VWC2: variants seen among roughly 807,000 people sequenced by gnomAD.
VWC2 encodes the protein von Willebrand factor C domain containing 2, also known as brorin.
VWC2 carries 14 observed loss-of-function variants against 29.8 expected under a neutral mutation model. That is an observed-to-expected ratio of 0.47 (90% confidence interval 0.31 to 0.74). The LOEUF is 0.74. Ranked by LOEUF, VWC2 falls within the 30% of genes least tolerant of loss-of-function variation. The probability of loss-of-function intolerance (pLI) is 0.05; values close to 1 mark genes in which losing one functional copy is unlikely to be tolerated. For missense variants in VWC2, 457 were observed against 459.8 expected, an observed-to-expected ratio of 0.99 and a Z score of 0.05; for synonymous variants, 213 against 199.0, an observed-to-expected ratio of 1.07 and a Z score of -0.59.
chr7:49,861,439 C>T (rs975174251), intron 3 of VWC2, among the ~76,000 whole-genome samples: 1 of 152,076 alleles, frequency 6.6e-6, no homozygotes, highest in Non-Finnish European at 1.5e-5. Context: ...ATTCTGTTTG[C>T]TGTCTTTTCA....
At chr7:49,819,232 C>G (rs1789213682) in intron 3 of VWC2, among the ~76,000 whole-genome samples, 1 of 152,178 alleles carries the variant, frequency 6.6e-6, no homozygotes, top group South Asian at 2.1e-4. Flanking sequence ...GCCTTAAACC[C>G]CTTCTCGAAC....
rs952526730 is a variant in VWC2, at chr7:49,806,572, G to A, written c.826+3732G>A. ...ACACTTTAAAGATAAACACTGAGAC[G>A]TCAAATTATTAAACATACGTTCATG... On this transcript the variant is annotated intron_variant, in intron 3 of 3. Transcript: ENST00000340652. Among the ~76,000 whole-genome samples the A allele has an allele frequency of 7.2e-5, 11 of 152,142 alleles. 1 individual carries two copies. The highest frequency in any genetic ancestry group is 1.9e-4 in the African/African-American group (8 of 41,424).
intron 2 of VWC2, among the ~76,000 whole-genome samples, chr7:49,790,092 G>GT (rs541868602): frequency 4.6e-5 from 7 of 152,338 alleles, no homozygotes; most frequent in Middle Eastern, 3.4e-3. Flanking sequence ...CTGTTCTGCT[G>GT]TTTGCAACCA....
At chr7:49,776,170 C>A in intron 2 of VWC2, 39 bp downstream of exon 2, 1 of 1,463,646 alleles carries the variant, frequency 6.8e-7, no homozygotes, top group Non-Finnish European at 9.1e-7. Context: ...TTGCACCTTC[C>A]AGGAAGGGGT....
chr7:49,866,958 G>T (rs1314444051), intron 3 of VWC2, among the ~76,000 whole-genome samples: 2 of 152,198 alleles, frequency 1.3e-5, no homozygotes, highest in African/African-American at 4.8e-5. Context: ...AAGCCCACCT[G>T]TGTCCTCTTC....
At chr7:49,829,611 G>A (rs1473459943) in intron 3 of VWC2, among the ~76,000 whole-genome samples, 1 of 152,162 alleles carries the variant, frequency 6.6e-6, no homozygotes, top group Non-Finnish European at 1.5e-5. Flanking sequence ...AACGCATCAC[G>A]CCAGCCTACA....
intron 3 of VWC2, among the ~76,000 whole-genome samples, chr7:49,831,582 A>T (rs1018794324): frequency 6.6e-6 from 1 of 152,156 alleles, no homozygotes; most frequent in African/African-American, 2.4e-5. Context: ...CACTCCTCAT[A>T]CCGAGGGCTA....
At chr7:49,864,887 T>C (rs1790814199) in intron 3 of VWC2, among the ~76,000 whole-genome samples, 1 of 152,252 alleles carries the variant, frequency 6.6e-6, no homozygotes, top group African/African-American at 2.4e-5. Flanking sequence ...GATTCAGTGC[T>C]TGCTTTGTTG....
chr7:49,891,679 T>C (rs6968993), intron 3 of VWC2, among the ~76,000 whole-genome samples: 68,513 of 151,910 alleles, frequency 0.45, 15,690 homozygotes, highest in Non-Finnish European at 0.48. Flanking sequence ...ATACTGATTC[T>C]GATGTAATCA....
intron 3 of VWC2, among the ~76,000 whole-genome samples, chr7:49,881,591 C>T (rs1344377982): frequency 1.3e-5 from 2 of 152,078 alleles, no homozygotes; most frequent in Non-Finnish European, 2.9e-5. Flanking sequence ...TGTGCTGTAT[C>T]GTTTCTTTGA....
intron 3 of VWC2, among the ~76,000 whole-genome samples, chr7:49,872,941 A>G (rs1791239096): frequency 1.4e-5 from 2 of 146,862 alleles, no homozygotes; most frequent in Admixed American, 6.8e-5. Flanking sequence ...AAAAAAAGAA[A>G]GAAAAAAATA....
intron 3 of VWC2, among the ~76,000 whole-genome samples, chr7:49,854,398 C>T (rs188079116): frequency 0.096 from 14,554 of 151,888 alleles, 1,992 homozygotes; most frequent in African/African-American, 0.31. Context: ...TTTTAATGAT[C>T]GCTATTCTAA....
intron 3 of VWC2, among the ~76,000 whole-genome samples, chr7:49,868,483 C>T (rs1252329259): frequency 1.3e-5 from 2 of 152,254 alleles, no homozygotes; most frequent in African/African-American, 2.4e-5. Flanking sequence ...TATAAAAATA[C>T]CTAAATCACA....
rs1789481576 is a variant in VWC2 at position 49,829,625 on chromosome 7, A to C, written c.826+26785A>C. On this transcript the variant is annotated intron_variant, in intron 3 of 3. Coordinates refer to ENST00000340652, the MANE Select transcript of VWC2 (RefSeq NM_198570.5). The stretch of plus-strand genomic sequence containing the variant: ...CAACGCATCACGCCAGCCTACACAC[A>C]CCCTTTGAAGTTTGTGATCCCATTG... Among the ~76,000 whole-genome samples, 2 of 151,988 alleles carry C rather than the reference A, an allele frequency of 1.3e-5. 1 individual carries two copies. Among genetic ancestry groups the C allele is most frequent in the Admixed American group, 1.3e-4 (2 of 15,268 alleles).
At chr7:49,872,873 GC>G (rs1462659920) in intron 3 of VWC2, among the ~76,000 whole-genome samples, 1 of 118,636 alleles carries the variant, frequency 8.4e-6, no homozygotes, top group Non-Finnish European at 1.6e-5. Context: ...CCGAGATCAT[GC>G]CATTGCACTC....
In VWC2 at chr7:49,876,654, T is replaced by TA. The variant is rs1367717388; in HGVS notation, c.827-35380_827-35379insA. Among the ~76,000 whole-genome samples, 4 of 152,280 alleles carry TA rather than the reference T, an allele frequency of 2.6e-5. No homozygotes were observed. The East Asian group carries it at 5.8e-4, about 22-fold the overall frequency. On this transcript the variant is annotated intron_variant, in intron 3 of 3. Transcript: ENST00000340652. ...AAGGGAAGAATTGCCTTGTTGTTTT[T>TA]TAGAAGACTTGACATTTTACCCTAT... is the stretch of plus-strand genomic sequence containing the variant.
chr7:49,798,617 C>T (rs1187539801), intron 2 of VWC2, among the ~76,000 whole-genome samples: 3 of 152,156 alleles, frequency 2.0e-5, no homozygotes, highest in Admixed American at 6.5e-5. Flanking sequence ...GGTCCTTAGG[C>T]AGTGTAGGGA....
chr7:49,775,149 A>T (rs1259387366), intron 1 of VWC2, among the ~76,000 whole-genome samples, 184 bp from the exon 2 acceptor site: 1 of 152,096 alleles, frequency 6.6e-6, no homozygotes, highest in African/African-American at 2.4e-5. Context: ...TTCGCTTCCA[A>T]TGTATCGCTC....
intron 2 of VWC2, among the ~76,000 whole-genome samples, chr7:49,793,464 A>G (rs1212361155): frequency 6.6e-6 from 1 of 152,044 alleles, no homozygotes; most frequent in East Asian, 1.9e-4. Context: ...ATATTCCTGC[A>G]CTGATTTTCT....
Sources: gnomAD v4.1 joint callset for allele counts (sites outside exome capture counted in the v4.1 genomes callset) on GRCh38, gnomAD v4.1.1 for gene constraint, MANE v1.5 for transcripts, NCBI Gene and HGNC (gene_info 2026-07-23, HGNC 2026-07-21) for gene names.